The following RNF168 variants were observed in gnomAD, a reference collection of about 807,000 sequenced individuals.
RNF168 encodes ring finger protein 168.
Under a neutral mutation model 34.9 loss-of-function variants are expected in RNF168, and 34 were observed. That is an observed-to-expected ratio of 0.97 (90% CI 0.74 to 1.30). The LOEUF (loss-of-function observed/expected upper bound fraction) is 1.30, where lower values mean the gene tolerates loss of function less well. Among genes scored for constraint, RNF168 ranks in the 50% most tolerant of loss-of-function variants. RNF168 has a pLI of 0.00. For synonymous variants in RNF168, 264 were observed against 254.7 expected (o/e 1.04, Z -0.35); for missense variants, 725 against 682.5 (o/e 1.06, Z -0.69).
Position 196,487,499 on chromosome 3 carries a change from T to C in RNF168, c.458A>G (p.Glu153Gly), listed in dbSNP as rs146256685. ...EEYIQRLLAEEEEEEKRQAEK... is the reference protein window; with the variant it reads ...EEYIQRLLAEGEEEEKRQAEK... ...TGCCTGTCTTTTTTCCTCTTCTTCC[T>C]CCTCTGCCAACAACCTCTGTATGTA... is the stretch of plus-strand genomic sequence containing the variant. Residue 153 changes from glutamate to glycine, a missense_variant, in exon 3 of 6, where the codon GAG becomes GGG. Transcript: ENST00000318037. 7.4e-6 allele frequency: 12 copies of C among 1,614,022 alleles called. No individual in the cohort carries two copies. Among genetic ancestry groups the C allele is most frequent in the Admixed American group, 3.3e-5 (2 of 59,996 alleles).
chr3:196,498,199 C>T lies in RNF168; in HGVS notation c.301+4674G>A, dbSNP rs183848155. On this transcript the variant is annotated intron_variant, in intron 1 of 5. Transcript: ENST00000318037. ...TTGAGATGGAGTCTCACTCTGTCACCGAGGCTAGAGTGCAGTGGCGCGATC... is the reference window on the plus strand; with the variant it reads ...TTGAGATGGAGTCTCACTCTGTCACTGAGGCTAGAGTGCAGTGGCGCGATC... Among the ~76,000 whole-genome samples, 27 of 152,158 alleles carry T rather than the reference C, an allele frequency of 1.8e-4. 1 individual carries two copies. Among genetic ancestry groups the T allele is most frequent in the African/African-American group, 6.5e-4 (27 of 41,504 alleles).
At chr3:196,477,077 A>G (rs1016172158) in intron 4 of RNF168, among the ~76,000 whole-genome samples, 1 of 152,242 alleles carries the variant, frequency 6.6e-6, no homozygotes. Context: ...AATCTTCAAT[A>G]TAACAGGCTG....
intron 3 of RNF168, 121 bp from the exon 4 acceptor site, chr3:196,484,012 T>C: frequency 1.3e-6 from 1 of 773,638 alleles, no homozygotes; most frequent in Non-Finnish European, 2.2e-6. Flanking sequence ...TATATTTAAA[T>C]TCTGTACATC....
chr3:196,503,071 G>A lies in RNF168; in HGVS notation c.103C>T (p.Leu35=). 5 of 1,614,186 alleles carry A rather than the reference G, an allele frequency of 3.1e-6. No homozygotes were observed. The highest frequency in any genetic ancestry group is 4.2e-6 in the Non-Finnish European group (5 of 1,180,016). Residue 35 remains leucine, a synonymous_variant, in exon 1 of 6, where the codon CTG becomes TTG. Coordinates refer to ENST00000318037, the MANE Select transcript of RNF168 (RefSeq NM_152617.4). ...EPVTLPCNHT[L]CKPCFQSTVE... is the part of the protein sequence containing the mutation. The stretch of plus-strand genomic sequence containing the variant: ...GTCGACTGGAAGCACGGTTTACACA[G>A]CGTGTGGTTACACGGGAGGGTGACG...
chr3:196,484,327 A>G (rs1291983670), intron 3 of RNF168, among the ~76,000 whole-genome samples: 1 of 151,038 alleles, frequency 6.6e-6, no homozygotes, highest in African/African-American at 2.4e-5. Context: ...GCCCTCCACC[A>G]TGCCCGGCTA....
chr3:196,491,370 C>A (rs73072950), intron 1 of RNF168, among the ~76,000 whole-genome samples: 15,460 of 151,048 alleles, frequency 0.1, 2,533 homozygotes, highest in African/African-American at 0.35. Flanking sequence ...GACAGTAGGC[C>A]GGGCACAGTG....
rs1005011014 is a variant in RNF168, at chr3:196,503,404, C to A, written c.-231G>T. 1.1e-5 allele frequency: 6 copies of A among 566,986 alleles called. No individual in the cohort carries two copies. The highest frequency in any genetic ancestry group is 1.9e-5 in the Non-Finnish European group (6 of 316,564). The allele number at this position is 566,986 out of a possible 1,614,324, so 35.1% of individuals were successfully genotyped here. Reference sequence around the variant, plus strand: ...GCGGCGTCTTTGTCCATTTTCAAGGCAAACGTCCCGCCAGCAAATAAATGC... The same window carrying A: ...GCGGCGTCTTTGTCCATTTTCAAGGAAAACGTCCCGCCAGCAAATAAATGC... On this transcript the variant is annotated 5_prime_UTR_variant, in exon 1 of 6. Coordinates refer to ENST00000318037, the MANE Select transcript of RNF168 (RefSeq NM_152617.4).
At position 196,487,464 on chromosome 3, in the gene RNF168, G is replaced by A. The variant is rs148275050; in HGVS notation, c.493C>T (p.Arg165Ter). Reference protein sequence around the residue: ...EEEKRQAEKRRRAMEEQLKSD... With the variant: ...EEEKRQAEKR ...TTCAGTTGTTCTTCCATCGCTCTTC[G>A]CCTTTTTTCTGCCTGTCTTTTTTCC... The change falls in exon 3 of 6, where the codon CGA (arginine) becomes TGA (stop). Residue 165 changes from arginine to a stop codon, truncating the protein, a stop_gained. Transcript: ENST00000318037. LOFTEE classifies it high-confidence loss of function. The A allele has an allele frequency of 2.6e-5, 42 of 1,613,834 alleles. No homozygotes were observed. Among genetic ancestry groups the A allele is most frequent in the Non-Finnish European group, 3.5e-5 (41 of 1,179,892 alleles).
intron 5 of RNF168, among the ~76,000 whole-genome samples, chr3:196,474,011 C>T (rs1732077657): frequency 6.6e-6 from 1 of 152,136 alleles, no homozygotes; most frequent in African/African-American, 2.4e-5. Context: ...AGTTAATACA[C>T]TCACTTGTGT....
At chr3:196,499,910 C>T (rs965354508) in intron 1 of RNF168, among the ~76,000 whole-genome samples, 1 of 152,174 alleles carries the variant, frequency 6.6e-6, no homozygotes, top group Non-Finnish European at 1.5e-5. Context: ...AAGATGCTCG[C>T]CATCCTTAGT....
At chr3:196,491,827 G>A (rs564804493) in intron 1 of RNF168, among the ~76,000 whole-genome samples, 22 of 152,142 alleles carry the variant, frequency 1.4e-4, no homozygotes, top group Non-Finnish European at 2.2e-4. Context: ...GAATGGACAC[G>A]TGCTAGAACA....
At chr3:196,493,701 A>T (rs543546878) in intron 1 of RNF168, among the ~76,000 whole-genome samples, 51 of 151,654 alleles carry the variant, frequency 3.4e-4, no homozygotes, top group African/African-American at 1.2e-3. Flanking sequence ...AATTTTTTGT[A>T]ATTTTAGTAG....
intron 1 of RNF168, among the ~76,000 whole-genome samples, chr3:196,491,482 T>G (rs55997345): frequency 6.6e-6 from 1 of 151,586 alleles, no homozygotes; most frequent in African/African-American, 2.4e-5. Flanking sequence ...AACCCGTCTC[T>G]ACCAAAAAAT....
chr3:196,495,880 G>C (rs953656253), intron 1 of RNF168, among the ~76,000 whole-genome samples: 13 of 152,108 alleles, frequency 8.5e-5, no homozygotes, highest in Non-Finnish European at 1.8e-4. Flanking sequence ...CCTACTATAG[G>C]ATTCTTTTTT....
At chr3:196,482,036 G>A (rs778242474) in intron 4 of RNF168, among the ~76,000 whole-genome samples, 6 of 150,374 alleles carry the variant, frequency 4.0e-5, no homozygotes, top group Non-Finnish European at 7.4e-5. Context: ...AAACTCCCTG[G>A]GCTTAAGCAA....
intron 1 of RNF168, among the ~76,000 whole-genome samples, chr3:196,489,091 A>T (rs1435757065): frequency 3.3e-5 from 5 of 151,892 alleles, no homozygotes; most frequent in Non-Finnish European, 7.4e-5. Context: ...CCTGACCTCA[A>T]GTGATCCACC....
intron 4 of RNF168, among the ~76,000 whole-genome samples, chr3:196,476,840 C>T (rs1240264467): frequency 6.6e-6 from 1 of 151,952 alleles, no homozygotes; most frequent in Non-Finnish European, 1.5e-5. Context: ...CTCCGCCTCC[C>T]GGGTTCAAGT....
At chr3:196,486,609 C>T (rs1420180020) in intron 3 of RNF168, among the ~76,000 whole-genome samples, 14 of 152,304 alleles carry the variant, frequency 9.2e-5, no homozygotes, top group African/African-American at 3.1e-4. Flanking sequence ...ACTGGGATTA[C>T]AGGCCCGAGC....
At position 196,472,271 on chromosome 3, in the gene RNF168, C is replaced by T; in HGVS notation, c.1264G>A (p.Glu422Lys). The T allele has an allele frequency of 1.2e-6, 2 of 1,614,020 alleles. No homozygotes were observed. Among genetic ancestry groups the T allele is most frequent in the Non-Finnish European group, 1.7e-6 (2 of 1,179,900 alleles). Residue 422 changes from glutamate (E) to lysine (K), a missense_variant, in exon 6 of 6, where the codon GAA (glutamate) becomes AAA (lysine). Transcript: ENST00000318037. ...PESSPDQEET[E>K]INFTQKLIDL... ...ATCAGTTTTTGGGTAAAGTTTATTT[C>T]TGTTTCCTCTTGATCTGGGGAAGAT...
Sources: allele counts gnomAD v4.1 joint callset (sites outside exome capture counted in the v4.1 genomes callset), GRCh38; gene constraint gnomAD v4.1.1; transcripts MANE v1.5; gene names NCBI Gene and HGNC (gene_info 2026-07-23, HGNC 2026-07-21).